Variants in ENDOD1 observed in about 807,000 individuals in gnomAD.
ENDOD1 encodes the protein endonuclease domain containing 1, also known as endonuclease domain-containing 1 protein.
Under a neutral mutation model 6.5 loss-of-function variants are expected in ENDOD1, and 9 were observed. The ratio of observed to expected loss-of-function variants is 1.39; its 90% CI spans 0.84 to 2.43. The LOEUF is 2.43. Among genes scored for constraint, ENDOD1 ranks in the 30% most tolerant of loss-of-function variants. The pLI, the probability that ENDOD1 is intolerant of heterozygous loss-of-function variation, is 0.00. For missense variants in ENDOD1, 648 were observed against 635.5 expected (o/e 1.02, Z -0.21); for synonymous variants, 255 against 255.2 (o/e 1.00, Z 0.01).
At chr11:95,114,157 C>T (rs149197964) in intron 1 of ENDOD1, among the ~76,000 whole-genome samples, 5 of 152,144 alleles carry the variant, frequency 3.3e-5, no homozygotes, top group Non-Finnish European at 7.3e-5. Context: ...TTGAGACAGG[C>T]TCTCACTCTG....
At chr11:95,123,146 G>A in intron 1 of ENDOD1, among the ~76,000 whole-genome samples, 1 of 151,128 alleles carries the variant, frequency 6.6e-6, no homozygotes, top group East Asian at 2.0e-4. Context: ...CCAATATCAG[G>A]CCACTGCACT....
chr11:95,116,639 CT>C (rs1403154725), intron 1 of ENDOD1, among the ~76,000 whole-genome samples: 3 of 152,174 alleles, frequency 2.0e-5, no homozygotes, highest in African/African-American at 7.2e-5. Flanking sequence ...AGACTTCCCT[CT>C]TAGTATTGCT....
chr11:95,095,629 C>G (rs1217834323), intron 1 of ENDOD1, among the ~76,000 whole-genome samples: 1 of 152,210 alleles, frequency 6.6e-6, no homozygotes, highest in Non-Finnish European at 1.5e-5. Context: ...TCTGGACAAT[C>G]TAGGCAAGGA....
Position 95,128,526 on chromosome 11 carries a change from C to T in ENDOD1, c.450C>T (p.Ser150=). ...QRGQLYPFSL[S]SDVQVATFTL... Reference sequence around the variant, plus strand: ...GACAGCTTTACCCATTCTCCCTTAGCAGTGATGTCCAGGTGGCCACATTTA... The same window carrying T: ...GACAGCTTTACCCATTCTCCCTTAGTAGTGATGTCCAGGTGGCCACATTTA... The change falls in exon 2 of 2, where the codon AGC becomes AGT. Residue 150 remains serine (S), a synonymous_variant. Coordinates refer to ENST00000278505, the MANE Select transcript of ENDOD1 (RefSeq NM_015036.3). 6.2e-7 allele frequency: 1 copy of T among 1,614,238 alleles called. No individual in the cohort carries two copies. The highest frequency in any genetic ancestry group is 1.7e-5 in the Admixed American group (1 of 60,030).
intron 1 of ENDOD1, among the ~76,000 whole-genome samples, chr11:95,100,255 C>T (rs1859025221): frequency 6.6e-6 from 1 of 152,152 alleles, no homozygotes; most frequent in South Asian, 2.1e-4. Context: ...AAGACAGCTT[C>T]CTGACTGGTT....
rs1441603938 is a variant in ENDOD1 at position 95,129,773 on chromosome 11, A to G, written c.*194A>G. On this transcript the variant is annotated 3_prime_UTR_variant, in exon 2 of 2. Coordinates refer to ENST00000278505, the MANE Select transcript of ENDOD1 (RefSeq NM_015036.3). ...AAATGCTCAGGGTGAGATTAGGTGT[A>G]GTAATCTGCTGTTTACCTCCAGTTA... The G allele has an allele frequency of 4.9e-6, 3 of 606,972 alleles. No individual in the cohort carries two copies. Among genetic ancestry groups the G allele is most frequent in the African/African-American group, 3.7e-5 (2 of 53,986 alleles). The allele number at this position is 606,972 out of a possible 1,614,324, so 37.6% of individuals were successfully genotyped here. A position where few individuals can be genotyped will look rare whatever the true frequency, so the allele number is the denominator to read the frequency against.
At chr11:95,104,707 C>T (rs782279665) in intron 1 of ENDOD1, among the ~76,000 whole-genome samples, 7 of 152,126 alleles carry the variant, frequency 4.6e-5, no homozygotes, top group Non-Finnish European at 7.3e-5. Context: ...TTCACAGGCA[C>T]GGGAAAAGAG....
chr11:95,123,588 CAAAA>C (rs71930134), intron 1 of ENDOD1, among the ~76,000 whole-genome samples: 36 of 134,956 alleles, frequency 2.7e-4, no homozygotes, highest in Non-Finnish European at 2.6e-4. Context: ...GTATAAATAC[CAAAA>C]AAAAAAAAAA....
chr11:95,120,540 G>T (rs757951658), intron 1 of ENDOD1, among the ~76,000 whole-genome samples: 1 of 152,122 alleles, frequency 6.6e-6, no homozygotes, highest in Non-Finnish European at 1.5e-5. Context: ...TATCCAAAAT[G>T]CAAGACAAAG....
chr11:95,102,111 A>T (rs1425906726), intron 1 of ENDOD1, among the ~76,000 whole-genome samples: 2 of 152,064 alleles, frequency 1.3e-5, no homozygotes, highest in Non-Finnish European at 2.9e-5. Context: ...CCAGGGAGTC[A>T]CTGGTCTGCC....
chr11:95,127,463 ATTTTAGT>A (rs1293722658), intron 1 of ENDOD1, among the ~76,000 whole-genome samples: 1 of 152,220 alleles, frequency 6.6e-6, no homozygotes, highest in Non-Finnish European at 1.5e-5. Context: ...TCTAATTTGA[ATTTTAGT>A]TTTGCCTGAT....
chr11:95,118,405 T>C (rs75501633), intron 1 of ENDOD1, among the ~76,000 whole-genome samples: 3,775 of 152,292 alleles, frequency 0.025, 142 homozygotes, highest in African/African-American at 0.086. Context: ...TTCTTATTCA[T>C]GTATGAAGGT....
intron 1 of ENDOD1, among the ~76,000 whole-genome samples, chr11:95,109,381 G>A (rs1315030558): frequency 6.6e-6 from 1 of 152,204 alleles, no homozygotes; most frequent in Non-Finnish European, 1.5e-5. Flanking sequence ...GTTCTCTCTG[G>A]AGACTCATCT....
At chr11:95,119,507 TCAAA>T (rs1229173506) in intron 1 of ENDOD1, among the ~76,000 whole-genome samples, 1 of 152,230 alleles carries the variant, frequency 6.6e-6, no homozygotes, top group Non-Finnish European at 1.5e-5. Context: ...TTACTTTCTC[TCAAA>T]CAGACAGAGT....
At chr11:95,112,275 C>G (rs1859158869) in intron 1 of ENDOD1, among the ~76,000 whole-genome samples, 1 of 152,228 alleles carries the variant, frequency 6.6e-6, no homozygotes, top group Non-Finnish European at 1.5e-5. Context: ...AGTGTCTGCT[C>G]TGTGGCTGTC....
intron 1 of ENDOD1, among the ~76,000 whole-genome samples, chr11:95,117,283 C>T (rs1859220298): frequency 6.6e-6 from 1 of 152,158 alleles, no homozygotes; most frequent in Non-Finnish European, 1.5e-5. Flanking sequence ...GTGGCATGTG[C>T]CTGTAATCCC....
chr11:95,123,285 T>A (rs2134173837), intron 1 of ENDOD1, among the ~76,000 whole-genome samples: 1 of 151,976 alleles, frequency 6.6e-6, no homozygotes, highest in Non-Finnish European at 1.5e-5. Context: ...TCCGGTTTTT[T>A]TTTTTTGACA....
intron 1 of ENDOD1, among the ~76,000 whole-genome samples, chr11:95,123,273 T>C (rs146587492): frequency 6.8e-6 from 1 of 147,280 alleles, no homozygotes; most frequent in East Asian, 1.9e-4. Context: ...CATAATGTAA[T>C]GTCCGGTTTT....
intron 1 of ENDOD1, among the ~76,000 whole-genome samples, chr11:95,102,582 G>C (rs1859051332): frequency 6.6e-6 from 1 of 152,150 alleles, no homozygotes; most frequent in African/African-American, 2.4e-5. Flanking sequence ...TGAGGTAGGA[G>C]AATCCCTTGA....
Sources: gnomAD v4.1 joint callset for allele counts (sites outside exome capture counted in the v4.1 genomes callset) on GRCh38, gnomAD v4.1.1 for gene constraint, MANE v1.5 for transcripts, NCBI Gene and HGNC (gene_info 2026-07-23, HGNC 2026-07-21) for gene names.